The following NPLOC4 variants were observed in gnomAD, a reference collection of about 807,000 sequenced individuals.
NPLOC4 encodes NPL4 homolog, ubiquitin recognition factor.
Under a neutral mutation model 80.6 loss-of-function variants are expected in NPLOC4, and 18 were observed. The ratio of observed to expected loss-of-function variants is 0.22; its 90% CI spans 0.15 to 0.33. NPLOC4 has a LOEUF of 0.33. Ranked by LOEUF, NPLOC4 falls within the 10% of genes least tolerant of loss-of-function variation. The pLI, the probability that NPLOC4 is intolerant of heterozygous loss-of-function variation, is 1.00. For synonymous variants in NPLOC4, 313 were observed against 301.5 expected (o/e 1.04, Z -0.39); for missense variants, 540 against 786.1 (o/e 0.69, Z 3.74).
intron 11 of NPLOC4, among the ~76,000 whole-genome samples, chr17:81,594,290 A>AAC (rs2034833732): frequency 6.6e-6 from 1 of 150,430 alleles, no homozygotes; most frequent in South Asian, 2.1e-4. Flanking sequence ...AAAAAAAAAA[A>AAC]AAAAAAAAAA....
At chr17:81,615,732 C>T (rs985994395) in intron 3 of NPLOC4, among the ~76,000 whole-genome samples, 1 of 152,186 alleles carries the variant, frequency 6.6e-6, no homozygotes, top group African/African-American at 2.4e-5. Flanking sequence ...GAAACTTCCA[C>T]ATAAATGCAG....
intron 1 of NPLOC4, chr17:81,636,619 A>C: frequency 3.0e-5 from 9 of 295,304 alleles, no homozygotes; most frequent in East Asian, 5.4e-5. Context: ...CGGGTGGGGA[A>C]GGAGGGCGGT....
chr17:81,621,141 A>G (rs1211072916), intron 3 of NPLOC4, among the ~76,000 whole-genome samples: 1 of 152,182 alleles, frequency 6.6e-6, no homozygotes, highest in East Asian at 1.9e-4. Flanking sequence ...AAAGAAAAAA[A>G]AAAGAAAAAT....
intron 4 of NPLOC4, among the ~76,000 whole-genome samples, 184 bp from the exon 5 acceptor site, chr17:81,610,442 TCTCA>T (rs2035310962): frequency 1.3e-5 from 2 of 152,306 alleles, no homozygotes; most frequent in Admixed American, 6.5e-5. Context: ...AAAGACAGGC[TCTCA>T]CTCTATCGCC....
At chr17:81,628,028 T>C (rs1196435281) in intron 2 of NPLOC4, among the ~76,000 whole-genome samples, 3 of 151,228 alleles carry the variant, frequency 2.0e-5, no homozygotes, top group South Asian at 2.1e-4. Context: ...CTGGCTAACA[T>C]GGTGAAATCC....
rs1465024266 is a variant in NPLOC4, at chr17:81,572,413, G to A, written c.1282-325C>T. Among the ~76,000 whole-genome samples, 2 of 151,860 alleles carry A rather than the reference G, an allele frequency of 1.3e-5. No individual in the cohort carries two copies. The highest frequency in any genetic ancestry group is 6.6e-5 in the Admixed American group (1 of 15,240). ...TCACTGTGTTTGCCAGGATGGTCTC[G>A]ATCTCCTGACCTCGTGATCCACCCG... On this transcript the variant is annotated intron_variant, in intron 12 of 16. Coordinates refer to ENST00000331134, the MANE Select transcript of NPLOC4 (RefSeq NM_017921.4). This position sits in a 1 kb window ranked among gnomAD's most constrained non-coding sequence, Gnocchi z 4.5.
In NPLOC4 at chr17:81,572,092, C is replaced by A; in HGVS notation, c.1282-4G>T. 1 of 1,606,610 alleles carries A rather than the reference C, an allele frequency of 6.2e-7. No individual in the cohort carries two copies. The highest frequency in any genetic ancestry group is 8.5e-7 in the Non-Finnish European group (1 of 1,175,450). ...CGTTGCCAAACTTGTCTACGTCCTG[C>A]AATAGTCAGAGGGGAACAGCGGTGA... On this transcript the variant is annotated splice_polypyrimidine_tract_variant and splice_region_variant and intron_variant, in intron 12 of 16. Transcript: ENST00000331134. The surrounding 1 kb of genome is among the most constrained non-coding windows in gnomAD (Gnocchi z 4.5).
intron 11 of NPLOC4, among the ~76,000 whole-genome samples, chr17:81,595,589 G>C (rs2034888676): frequency 6.7e-6 from 1 of 149,496 alleles, no homozygotes; most frequent in South Asian, 2.1e-4. Flanking sequence ...CTGTCACCCA[G>C]GCTGGAGTGC....
At chr17:81,623,524 C>T (rs1248872862) in intron 2 of NPLOC4, among the ~76,000 whole-genome samples, 2 of 147,322 alleles carry the variant, frequency 1.4e-5, no homozygotes, top group Non-Finnish European at 3.0e-5. Context: ...CCCGGCCGGG[C>T]GCGGTGGCTG....
chr17:81,624,870 G>A (rs888991070), intron 2 of NPLOC4, among the ~76,000 whole-genome samples: 4 of 152,212 alleles, frequency 2.6e-5, no homozygotes, highest in African/African-American at 9.6e-5. Context: ...TTGGAAACAC[G>A]GAGGCCAGAG....
chr17:81,583,594 C>G (rs1005773133), intron 12 of NPLOC4, among the ~76,000 whole-genome samples: 1 of 152,230 alleles, frequency 6.6e-6, no homozygotes, highest in African/African-American at 2.4e-5. Flanking sequence ...CTGGTCCTCA[C>G]AGGACTATGT....
chr17:81,559,726 GCTTTT>G (rs1332272095), intron 16 of NPLOC4, among the ~76,000 whole-genome samples: 3 of 119,924 alleles, frequency 2.5e-5, no homozygotes, highest in Admixed American at 8.9e-5. Flanking sequence ...GTTGTTTCCA[GCTTTT>G]TTTTTTTTTT....
At chr17:81,606,602 G>A (rs2035210270) in intron 7 of NPLOC4, 89 bp downstream of exon 7, 3 of 1,413,330 alleles carry the variant, frequency 2.1e-6, no homozygotes, top group African/African-American at 2.8e-5. Context: ...CACGCATAGT[G>A]CTAATAGCAT....
At chr17:81,598,307 G>C (rs1298182928) in intron 9 of NPLOC4, among the ~76,000 whole-genome samples, 1 of 152,088 alleles carries the variant, frequency 6.6e-6, no homozygotes, top group Non-Finnish European at 1.5e-5. Context: ...TGCTGGGTTA[G>C]AGATGAGTTT....
chr17:81,582,119 G>A (rs758571017), intron 12 of NPLOC4, among the ~76,000 whole-genome samples: 4 of 152,208 alleles, frequency 2.6e-5, no homozygotes, highest in African/African-American at 4.8e-5. Flanking sequence ...AGAGCCAGTC[G>A]GAAGACTTAC....
intron 3 of NPLOC4, among the ~76,000 whole-genome samples, chr17:81,616,333 A>AAC: frequency 8.6e-6 from 1 of 115,616 alleles, no homozygotes; most frequent in Admixed American, 1.0e-4. Flanking sequence ...AAAAAAAAAA[A>AAC]AAAAAGAAAA....
In NPLOC4 at chr17:81,600,347, C is replaced by T. The variant is rs1330189981; in HGVS notation, c.915G>A (p.Leu305=). 1 of 1,610,460 alleles carries T rather than the reference C, an allele frequency of 6.2e-7. No individual in the cohort carries two copies. The highest frequency in any genetic ancestry group is 1.3e-5 in the African/African-American group (1 of 74,924). The change falls in exon 9 of 17, where the codon CTG becomes CTA. Residue 305 remains leucine, a synonymous_variant. Transcript: ENST00000331134. ...CTGCCGGATGCCTCAGTACCTTCCG[C>T]AGGCCAAGTTTGGCAGCAATTTCAT... ...VVDEIAAKLG[L]RKVGWIFTDL...
At chr17:81,589,468 G>T (rs1368534624) in intron 11 of NPLOC4, among the ~76,000 whole-genome samples, 8 of 151,764 alleles carry the variant, frequency 5.3e-5, no homozygotes, top group Non-Finnish European at 7.4e-5. Flanking sequence ...AACCCGGGAG[G>T]TGGAGCTTGC....
chr17:81,588,140 G>A (rs1243534952), intron 12 of NPLOC4: 1 of 152,152 alleles, frequency 6.6e-6, no homozygotes, highest in African/African-American at 2.4e-5. Context: ...CCAGATCAAC[G>A]AATGTGAAGA....
Sources: allele counts gnomAD v4.1 joint callset (sites outside exome capture counted in the v4.1 genomes callset), GRCh38; gene constraint gnomAD v4.1.1; non-coding constraint Gnocchi (gnomAD v3.1); transcripts MANE v1.5; gene names NCBI Gene and HGNC (gene_info 2026-07-23, HGNC 2026-07-21).